The following GPC5 variants were observed in gnomAD, a reference collection of about 807,000 sequenced individuals.
GPC5 encodes glypican 5.
A neutral mutation model predicts 53.9 loss-of-function variants in GPC5; 47 were observed. The observed-to-expected ratio is 0.87, with a 90% CI of 0.69 to 1.11. The LOEUF (loss-of-function observed/expected upper bound fraction) is 1.11, where lower values mean the gene tolerates loss of function less well. Ranked by LOEUF, GPC5 falls within the 50% of genes most tolerant of loss-of-function variation. The pLI, the probability that GPC5 is intolerant of heterozygous loss-of-function variation, is 0.00. For synonymous variants in GPC5, 286 were observed against 263.3 expected, an observed-to-expected ratio of 1.09 and a Z score of -0.84; for missense variants, 748 against 713.1, an observed-to-expected ratio of 1.05 and a Z score of -0.56.
At chr13:91,649,745 T>G (rs964406526) in intron 2 of GPC5, among the ~76,000 whole-genome samples, 1 of 152,214 alleles carries the variant, frequency 6.6e-6, no homozygotes, top group African/African-American at 2.4e-5. Context: ...ATCTTTTATG[T>G]GGCTGCCCTT....
intron 7 of GPC5, among the ~76,000 whole-genome samples, chr13:92,802,354 C>T (rs942980203): frequency 6.6e-6 from 1 of 151,788 alleles, no homozygotes; most frequent in South Asian, 2.1e-4. Context: ...TTCTCAGAAC[C>T]TATTCCCACC....
chr13:92,669,334 T>C (rs995883436), intron 7 of GPC5, among the ~76,000 whole-genome samples: 1 of 152,134 alleles, frequency 6.6e-6, no homozygotes, highest in Non-Finnish European at 1.5e-5. Flanking sequence ...TTCCTGGTCT[T>C]TCCTCCTCTC....
intron 6 of GPC5, among the ~76,000 whole-genome samples, chr13:91,919,421 C>G (rs1397921666): frequency 6.6e-6 from 1 of 152,116 alleles, no homozygotes; most frequent in Non-Finnish European, 1.5e-5. Flanking sequence ...CAGCAGAATC[C>G]AATAGAAAAT....
intron 5 of GPC5, among the ~76,000 whole-genome samples, chr13:91,856,640 A>G (rs1236798428): frequency 6.6e-6 from 1 of 151,362 alleles, no homozygotes; most frequent in Non-Finnish European, 1.5e-5. Context: ...AAATTAGGAT[A>G]ACTTTTTCTG....
intron 7 of GPC5, among the ~76,000 whole-genome samples, chr13:92,670,437 A>C (rs1210889119): frequency 6.6e-6 from 1 of 152,216 alleles, no homozygotes; most frequent in Non-Finnish European, 1.5e-5. Flanking sequence ...AGTGCATGCA[A>C]AAGTAGTTTC....
At chr13:91,734,619 G>T (rs964121641) in intron 4 of GPC5, among the ~76,000 whole-genome samples, 6 of 151,460 alleles carry the variant, frequency 4.0e-5, no homozygotes, top group African/African-American at 1.5e-4. Flanking sequence ...TTACATAGTG[G>T]TTTTACTTAT....
At chr13:91,767,415 G>A (rs944698486) in intron 5 of GPC5, among the ~76,000 whole-genome samples, 12 of 152,294 alleles carry the variant, frequency 7.9e-5, no homozygotes, top group African/African-American at 2.6e-4. Flanking sequence ...TTTCTAACCA[G>A]TGGTTTGGGA....
intron 7 of GPC5, among the ~76,000 whole-genome samples, chr13:92,398,483 A>T (rs1472858192): frequency 6.6e-6 from 1 of 151,812 alleles, no homozygotes; most frequent in Non-Finnish European, 1.5e-5. Context: ...AACAACAATA[A>T]CACAATAGTT....
At chr13:92,245,402 C>T (rs1280082531) in intron 7 of GPC5, among the ~76,000 whole-genome samples, 1 of 152,116 alleles carries the variant, frequency 6.6e-6, no homozygotes, top group Non-Finnish European at 1.5e-5. Context: ...CTTGTCTCTC[C>T]ATCCACATAC....
intron 2 of GPC5, among the ~76,000 whole-genome samples, chr13:91,471,598 G>T (rs1882634352): frequency 6.6e-6 from 1 of 152,056 alleles, no homozygotes; most frequent in Admixed American, 6.6e-5. Context: ...CCATTAGAAA[G>T]AAATAAATAC....
At chr13:92,354,550 T>G (rs1319009387) in intron 7 of GPC5, among the ~76,000 whole-genome samples, 1 of 152,200 alleles carries the variant, frequency 6.6e-6, no homozygotes, top group African/African-American at 2.4e-5. Flanking sequence ...GCTAGAAGTA[T>G]TCTAGTCATT....
At chr13:92,480,213 G>T (rs536872195) in intron 7 of GPC5, among the ~76,000 whole-genome samples, 4 of 152,280 alleles carry the variant, frequency 2.6e-5, no homozygotes, top group Admixed American at 2.6e-4. Context: ...AACAGTAGCT[G>T]ACTAACATCA....
At chr13:91,621,175 A>T (rs560891484) in intron 2 of GPC5, among the ~76,000 whole-genome samples, 1 of 152,314 alleles carries the variant, frequency 6.6e-6, no homozygotes, top group Non-Finnish European at 1.5e-5. Context: ...AAAAAAACAT[A>T]AAGCATAGTT....
At chr13:92,044,216 T>G (rs368332506) in intron 6 of GPC5, among the ~76,000 whole-genome samples, 1 of 152,222 alleles carries the variant, frequency 6.6e-6, no homozygotes, top group East Asian at 1.9e-4. Context: ...ATCATTTTAG[T>G]GACCACTAGC....
chr13:92,682,854 C>A (rs1887149701), intron 7 of GPC5, among the ~76,000 whole-genome samples: 1 of 152,134 alleles, frequency 6.6e-6, no homozygotes, highest in Non-Finnish European at 1.5e-5. Context: ...AAAACACTGG[C>A]ATTGTATTTC....
At chr13:92,124,659 C>T (rs943321135) in intron 6 of GPC5, among the ~76,000 whole-genome samples, 12 of 152,088 alleles carry the variant, frequency 7.9e-5, no homozygotes, top group Non-Finnish European at 1.5e-4. Flanking sequence ...AGCATCTCTA[C>T]TGCATGCATG....
intron 7 of GPC5, among the ~76,000 whole-genome samples, chr13:92,156,347 C>A (rs1438983118): frequency 6.6e-6 from 1 of 152,098 alleles, no homozygotes; most frequent in African/African-American, 2.4e-5. Context: ...TTGCATCCAC[C>A]CATTATTAGT....
At position 92,007,837 on chromosome 13, in the gene GPC5, A is replaced by G. The variant is rs142567194; in HGVS notation, c.1401+99780A>G. Among the ~76,000 whole-genome samples, 9 of 152,252 alleles carry G rather than the reference A, an allele frequency of 5.9e-5. No individual in the cohort carries two copies. In the East Asian group the frequency reaches 1.3e-3, roughly 23 times the overall value. ...GACGACTTTTAAAATATGGTCGCTC[A>G]AGATGAAATAGGCACTGGCAACGTA... On this transcript the variant is annotated intron_variant, in intron 6 of 7. Coordinates refer to ENST00000377067, the MANE Select transcript of GPC5 (RefSeq NM_004466.6).
chr13:92,745,977 G>A (rs771197080), intron 7 of GPC5, among the ~76,000 whole-genome samples: 1 of 152,006 alleles, frequency 6.6e-6, no homozygotes, highest in South Asian at 2.1e-4. Context: ...GTTTCTAAAG[G>A]AAAATTTACT....
Sources: allele counts gnomAD v4.1 joint callset (sites outside exome capture counted in the v4.1 genomes callset), GRCh38; gene constraint gnomAD v4.1.1; transcripts MANE v1.5; gene names NCBI Gene and HGNC (gene_info 2026-07-23, HGNC 2026-07-21).